The following LRRC17 variants were observed in gnomAD, a reference collection of about 807,000 sequenced individuals.
LRRC17 encodes the protein leucine rich repeat containing 17, also known as leucine-rich repeat-containing protein 17.
A neutral mutation model predicts 41.5 loss-of-function variants in LRRC17; 33 were observed. The observed-to-expected ratio is 0.80, with a 90% CI of 0.60 to 1.06. The LOEUF is 1.06. LRRC17 is among the 50% of genes least tolerant of loss of function. LRRC17 has a pLI of 0.00. For missense variants in LRRC17, 491 were observed against 519.3 expected (o/e 0.95, Z 0.53); for synonymous variants, 192 against 197.0 (o/e 0.97, Z 0.21).
intron 2 of LRRC17, among the ~76,000 whole-genome samples, chr7:102,937,528 AG>A (rs1408294462): frequency 7.1e-6 from 1 of 141,054 alleles, no homozygotes; most frequent in Non-Finnish European, 1.6e-5. Flanking sequence ...AAAAAAATGA[AG>A]GGTAGCTTTG....
chr7:102,914,189 C>T (rs1214853805), intron 1 of LRRC17, among the ~76,000 whole-genome samples: 6 of 152,230 alleles, frequency 3.9e-5, no homozygotes, highest in Admixed American at 2.0e-4. Context: ...TCTCCTGCCT[C>T]AGCCTCCCAA....
chr7:102,943,078 C>T (rs1315523921), intron 3 of LRRC17, among the ~76,000 whole-genome samples: 1 of 152,110 alleles, frequency 6.6e-6, no homozygotes, highest in East Asian at 1.9e-4. Flanking sequence ...AAGCTGATAG[C>T]TACCATAGTT....
chr7:102,919,167 C>G (rs1018959739), intron 1 of LRRC17, among the ~76,000 whole-genome samples: 5 of 152,188 alleles, frequency 3.3e-5, no homozygotes, highest in Non-Finnish European at 5.9e-5. Context: ...ATTATTTACA[C>G]CACAGAAATC....
chr7:102,918,276 T>C (rs774065869), intron 1 of LRRC17, among the ~76,000 whole-genome samples: 1 of 152,220 alleles, frequency 6.6e-6, no homozygotes, highest in African/African-American at 2.4e-5. Flanking sequence ...TCAAGTAGTA[T>C]CTATTCTGAA....
At chr7:102,917,537 C>T (rs1006137805) in intron 1 of LRRC17, among the ~76,000 whole-genome samples, 1 of 152,100 alleles carries the variant, frequency 6.6e-6, no homozygotes, top group African/African-American at 2.4e-5. Context: ...GGTGTGAAGG[C>T]TGTAGATTAG....
intron 3 of LRRC17, among the ~76,000 whole-genome samples, chr7:102,941,229 C>A (rs779295790): frequency 1.3e-5 from 2 of 152,170 alleles, no homozygotes; most frequent in Admixed American, 6.5e-5. Flanking sequence ...ACTACAGACA[C>A]CCTTCTCCCA....
intron 2 of LRRC17, among the ~76,000 whole-genome samples, chr7:102,939,116 C>T (rs763639865): frequency 1.3e-5 from 2 of 152,176 alleles, no homozygotes; most frequent in Non-Finnish European, 2.9e-5. Flanking sequence ...TCCTGATAAA[C>T]AGGCTGCTTT....
intron 1 of LRRC17, among the ~76,000 whole-genome samples, chr7:102,922,964 C>T (rs1405228871): frequency 2.0e-5 from 3 of 151,554 alleles, no homozygotes; most frequent in Admixed American, 6.6e-5. Flanking sequence ...GGCGACAGAG[C>T]GAGACTCCGT....
chr7:102,939,427 C>T lies in LRRC17; in HGVS notation c.773-3C>T. On this transcript the variant is annotated splice_region_variant and splice_polypyrimidine_tract_variant and intron_variant, in intron 2 of 3. Coordinates refer to ENST00000339431, the MANE Select transcript of LRRC17 (RefSeq NM_001031692.3). ...ATAACGTAAATATTATTAAATTTTCCAGAGTTGAAAAAAGTGCCAAACAAC... is the reference window on the plus strand; with the variant it reads ...ATAACGTAAATATTATTAAATTTTCTAGAGTTGAAAAAAGTGCCAAACAAC... 1.2e-6 allele frequency: 2 copies of T among 1,600,722 alleles called. No individual in the cohort carries two copies. The highest frequency in any genetic ancestry group is 1.7e-6 in the Non-Finnish European group (2 of 1,175,092).
chr7:102,913,187 A>G (rs757122324), intron 1 of LRRC17, 42 bp downstream of exon 1: 5 of 1,614,076 alleles, frequency 3.1e-6, no homozygotes, highest in African/African-American at 2.7e-5. Flanking sequence ...CAATAAGCCA[A>G]ACTAAGATTC....
In LRRC17 at chr7:102,913,067, A is replaced by T. The variant is rs142908339; in HGVS notation, c.-219A>T. On this transcript the variant is annotated 5_prime_UTR_variant, in exon 1 of 4. An upstream open reading frame in the 5' UTR gains an earlier in-frame stop. Transcript: ENST00000339431. ...AACTTCCTCACACACCGCAGCAAAGAGAAGACTGAAAGACAAACCTGGGTG... is the reference window on the plus strand; with the variant it reads ...AACTTCCTCACACACCGCAGCAAAGTGAAGACTGAAAGACAAACCTGGGTG... 6.2e-6 allele frequency: 10 copies of T among 1,614,076 alleles called. No homozygotes were observed. In the African/African-American group the frequency reaches 1.1e-4, roughly 17 times the overall value.
Position 102,934,680 on chromosome 7 carries a change from G to T in LRRC17, c.767G>T (p.Arg256Met). 1 of 1,582,136 alleles carries T rather than the reference G, an allele frequency of 6.3e-7. No homozygotes were observed. The highest frequency in any genetic ancestry group is 8.5e-7 in the Non-Finnish European group (1 of 1,170,458). ...CCCATACAAACACTGGACTGCAAAA[G>T]GAAAGGTTTGTACTTTTCTTACTTT... ...VFPIQTLDCK[R>M]KELKKVPNNI... Residue 256 changes from arginine (R) to methionine (M), a missense_variant, in exon 2 of 4, where the codon AGG becomes ATG. Physicochemically the swap from Arg to Met is moderately conservative, Grantham distance 91. Coordinates refer to ENST00000339431, the MANE Select transcript of LRRC17 (RefSeq NM_001031692.3).
intron 1 of LRRC17, among the ~76,000 whole-genome samples, chr7:102,919,662 T>G (rs887884925): frequency 2.1e-4 from 32 of 152,192 alleles, no homozygotes; most frequent in Non-Finnish European, 4.4e-5. Flanking sequence ...TCAAAGTTTA[T>G]GGACCAATAT....
At chr7:102,927,900 A>C (rs1186990033) in intron 1 of LRRC17, among the ~76,000 whole-genome samples, 2 of 152,270 alleles carry the variant, frequency 1.3e-5, no homozygotes, top group African/African-American at 2.4e-5. Context: ...TTGGCATGCC[A>C]ATCAAGTATC....
chr7:102,925,181 C>G (rs567824575), intron 1 of LRRC17, among the ~76,000 whole-genome samples: 5 of 151,950 alleles, frequency 3.3e-5, no homozygotes, highest in Non-Finnish European at 7.4e-5. Context: ...ATCATTTGAG[C>G]CCAGGAGTTT....
intron 1 of LRRC17, among the ~76,000 whole-genome samples, chr7:102,916,797 G>C (rs1371901065): frequency 2.0e-5 from 3 of 150,938 alleles, no homozygotes; most frequent in South Asian, 2.1e-4. Flanking sequence ...CTTATGGGGG[G>C]GGGTGTGAGT....
intron 1 of LRRC17, among the ~76,000 whole-genome samples, chr7:102,914,816 G>C (rs1043118519): frequency 5.3e-5 from 8 of 152,172 alleles, no homozygotes; most frequent in African/African-American, 1.7e-4. Context: ...TGGGGCTGTC[G>C]AGTGGACTGA....
intron 1 of LRRC17, among the ~76,000 whole-genome samples, chr7:102,930,260 G>C (rs1818922875): frequency 6.6e-6 from 1 of 152,196 alleles, no homozygotes; most frequent in Non-Finnish European, 1.5e-5. Context: ...TCATGGTGGA[G>C]CTGGTGCCTC....
In LRRC17 at chr7:102,934,350, A is replaced by T. The variant is rs1302142457; in HGVS notation, c.437A>T (p.Glu146Val). 6.2e-7 allele frequency: 1 copy of T among 1,614,132 alleles called. No individual in the cohort carries two copies. The highest frequency in any genetic ancestry group is 8.5e-7 in the Non-Finnish European group (1 of 1,180,012). ...LQHNQIKVLT[E>V]EVFIYTPLLS... is the part of the protein sequence containing the mutation. ...CACAACCAGATCAAAGTCTTGACGG[A>T]GGAAGTGTTCATTTACACACCTCTC... The change falls in exon 2 of 4, where the codon GAG becomes GTG. Residue 146 changes from glutamate (E) to valine (V), a missense_variant. Coordinates refer to ENST00000339431, the MANE Select transcript of LRRC17 (RefSeq NM_001031692.3).
Sources: gnomAD v4.1 joint callset for allele counts (sites outside exome capture counted in the v4.1 genomes callset) on GRCh38, gnomAD v4.1.1 for gene constraint, MANE v1.5 for transcripts, NCBI Gene and HGNC (gene_info 2026-07-23, HGNC 2026-07-21) for gene names.